ARHGEF10: variants seen among roughly 807,000 people sequenced by gnomAD.
ARHGEF10 encodes the protein Rho guanine nucleotide exchange factor 10, also known as Rho guanine nucleotide exchange factor (GEF) 10.
A neutral mutation model predicts 147.4 loss-of-function variants in ARHGEF10; 140 were observed. The observed-to-expected ratio is 0.95, with a 90% CI of 0.83 to 1.09. ARHGEF10 has a LOEUF of 1.09. Among genes scored for constraint, ARHGEF10 ranks in the 50% least tolerant of loss-of-function variants. The pLI is 0.00. For missense variants in ARHGEF10, 2,222 were observed against 1,752.7 expected, an observed-to-expected ratio of 1.27 and a Z score of -4.78; for synonymous variants, 902 against 695.8, an observed-to-expected ratio of 1.30 and a Z score of -4.67.
intron 17 of ARHGEF10, 65 bp from the exon 18 acceptor site, chr8:1,909,224 CTGAGGG>C: frequency 6.3e-7 from 1 of 1,596,634 alleles, no homozygotes. Context: ...ACTTGAACAT[CTGAGGG>C]ATGAACATTA....
chr8:1,883,366 C>G (rs1181031451), intron 10 of ARHGEF10, among the ~76,000 whole-genome samples: 1 of 152,074 alleles, frequency 6.6e-6, no homozygotes, highest in Non-Finnish European at 1.5e-5. Flanking sequence ...GGGAGGGTGA[C>G]TGAGACTTCA....
In ARHGEF10 at chr8:1,889,272, G is replaced by A. The variant is rs1035561801; in HGVS notation, c.1182+3565G>A. 9.4e-5 allele frequency among the ~76,000 whole-genome samples: 6 copies of A among 63,880 alleles called. 2 individuals carry two copies. Among genetic ancestry groups the A allele is most frequent in the Non-Finnish European group, 1.4e-4 (5 of 36,248 alleles). 41.9% of individuals were successfully genotyped at this position (63,880 alleles called of 152,430 possible). On this transcript the variant is annotated intron_variant, in intron 11 of 28. Transcript: ENST00000349830. ...GGGATGAGAGGTGTGAGGAGACACTGAATGTGGTGAGGGTTTGTGAGGAGA... is the reference window on the plus strand; with the variant it reads ...GGGATGAGAGGTGTGAGGAGACACTAAATGTGGTGAGGGTTTGTGAGGAGA...
At chr8:1,826,167 T>C (rs79774321) in intron 1 of ARHGEF10, 1 of 1,569,944 alleles carries the variant, frequency 6.4e-7, no homozygotes, top group Non-Finnish European at 8.6e-7. Flanking sequence ...AGGTGCTATT[T>C]GTAATTCATT....
intron 2 of ARHGEF10, among the ~76,000 whole-genome samples, chr8:1,850,023 T>TGG (rs1804943507): frequency 2.8e-5 from 1 of 36,362 alleles, no homozygotes; most frequent in African/African-American, 1.0e-4. Flanking sequence ...GTGGGCCGGC[T>TGG]GCATGGACAC....
At chr8:1,917,062 A>C (rs1253558682) in intron 18 of ARHGEF10, among the ~76,000 whole-genome samples, 1 of 152,250 alleles carries the variant, frequency 6.6e-6, no homozygotes. Flanking sequence ...AGTTTATTGC[A>C]TACTGCAAGC....
intron 20 of ARHGEF10, 27 bp downstream of exon 20, chr8:1,923,622 T>G (rs374161442): frequency 6.2e-7 from 1 of 1,614,162 alleles, no homozygotes; most frequent in Non-Finnish European, 8.5e-7. Flanking sequence ...AAACGAAACC[T>G]TCTTGGCCAA....
intron 7 of ARHGEF10, among the ~76,000 whole-genome samples, chr8:1,874,575 T>G (rs1186264534): frequency 1.3e-5 from 2 of 152,240 alleles, no homozygotes; most frequent in African/African-American, 2.4e-5. Flanking sequence ...TTATAACCTC[T>G]GGAGGGACAG....
chr8:1,837,423 C>G (rs1163648288), intron 1 of ARHGEF10, among the ~76,000 whole-genome samples: 1 of 152,114 alleles, frequency 6.6e-6, no homozygotes, highest in Non-Finnish European at 1.5e-5. Context: ...TCCGTTGGTC[C>G]TAAGATTATC....
At chr8:1,911,041 T>G (rs1811316789) in intron 18 of ARHGEF10, among the ~76,000 whole-genome samples, 1 of 152,362 alleles carries the variant, frequency 6.6e-6, no homozygotes, top group Non-Finnish European at 1.5e-5. Context: ...GGAAATAACC[T>G]GGAGTGAGTT....
intron 1 of ARHGEF10, among the ~76,000 whole-genome samples, chr8:1,827,263 G>A (rs944836914): frequency 6.6e-6 from 1 of 152,192 alleles, no homozygotes; most frequent in African/African-American, 2.4e-5. Flanking sequence ...ATTGGTTTTG[G>A]TTCTGTTTGT....
At chr8:1,834,452 T>A (rs992785661) in intron 1 of ARHGEF10, among the ~76,000 whole-genome samples, 4 of 152,132 alleles carry the variant, frequency 2.6e-5, no homozygotes, top group African/African-American at 9.7e-5. Flanking sequence ...GAGGGGCTGC[T>A]GGGTGCCATG....
At chr8:1,911,928 C>T (rs1402836515) in intron 18 of ARHGEF10, among the ~76,000 whole-genome samples, 6 of 152,220 alleles carry the variant, frequency 3.9e-5, no homozygotes, top group Non-Finnish European at 8.8e-5. Flanking sequence ...CTTGGTTTGT[C>T]ACTTCTAAAT....
intron 11 of ARHGEF10, among the ~76,000 whole-genome samples, chr8:1,888,646 T>A (rs1487833463): frequency 7.5e-6 from 1 of 133,010 alleles, no homozygotes; most frequent in African/African-American, 3.3e-5. Flanking sequence ...GTGGTAAGGG[T>A]CCTGAGGAAA....
rs1337101964 is a variant in ARHGEF10, at chr8:1,893,566, C to T, written c.1183-3C>T. ...TATCATTGTACTTCCAAATTTCCAA[C>T]AGGTTGTAAGAAGATATATACTGGG... On this transcript the variant is annotated splice_polypyrimidine_tract_variant and splice_region_variant and intron_variant, in intron 11 of 28. Coordinates refer to ENST00000349830, the MANE Select transcript of ARHGEF10 (RefSeq NM_014629.4). The T allele has an allele frequency of 5.0e-6, 8 of 1,609,704 alleles. No homozygotes were observed. The highest frequency in any genetic ancestry group is 6.0e-6 in the Non-Finnish European group (7 of 1,176,248).
intron 1 of ARHGEF10, among the ~76,000 whole-genome samples, chr8:1,829,012 T>C (rs1206495417): frequency 6.6e-6 from 1 of 152,238 alleles, no homozygotes; most frequent in Non-Finnish European, 1.5e-5. Context: ...ATTCAGTGCG[T>C]ATCTGAGCGG....
intron 11 of ARHGEF10, among the ~76,000 whole-genome samples, chr8:1,890,161 GAGTGGGGTGAGGGTTTGTGAGGAGACA>G (rs1809356373): frequency 1.7e-5 from 1 of 59,522 alleles, no homozygotes; most frequent in Admixed American, 2.0e-4. Flanking sequence ...AGGAGACACT[GAGTGGGGTGAGGGTTTGTGAGGAGACA>G]CTGAATAGGG....
intron 28 of ARHGEF10, among the ~76,000 whole-genome samples, chr8:1,955,575 G>A (rs1815489543): frequency 6.7e-6 from 1 of 149,236 alleles, no homozygotes; most frequent in Non-Finnish European, 1.5e-5. Flanking sequence ...GGGTAGCTAG[G>A]TGCATCCTGA....
intron 18 of ARHGEF10, among the ~76,000 whole-genome samples, chr8:1,912,220 G>C (rs1270682675): frequency 6.6e-6 from 1 of 150,816 alleles, no homozygotes; most frequent in African/African-American, 2.4e-5. Context: ...CAGGAAGCTC[G>C]CTGTCCCCGC....
chr8:1,826,203 G>A, intron 1 of ARHGEF10: 13 of 1,377,976 alleles, frequency 9.4e-6, no homozygotes, highest in Non-Finnish European at 1.3e-5. Flanking sequence ...GGGGTGAAGT[G>A]AAGTTAAAAG....
Sources: allele counts gnomAD v4.1 joint callset (sites outside exome capture counted in the v4.1 genomes callset), GRCh38; gene constraint gnomAD v4.1.1; transcripts MANE v1.5; gene names NCBI Gene and HGNC (gene_info 2026-07-23, HGNC 2026-07-21).